TBC1D19: variants seen among roughly 807,000 people sequenced by gnomAD.
The protein encoded by TBC1D19 is TBC1 domain family member 19, also known as TBC1 domain family, member 19.
Under a neutral mutation model 89.0 loss-of-function variants are expected in TBC1D19, and 60 were observed. The ratio of observed to expected loss-of-function variants is 0.67; its 90% CI spans 0.55 to 0.84. TBC1D19 has a LOEUF of 0.84. Ranked by LOEUF, TBC1D19 falls within the 40% of genes least tolerant of loss-of-function variation. TBC1D19 has a pLI of 0.00. For missense variants in TBC1D19, 500 were observed against 610.8 expected (o/e 0.82, Z 1.91); for synonymous variants, 189 against 199.7 (o/e 0.95, Z 0.45).
intron 1 of TBC1D19, among the ~76,000 whole-genome samples, chr4:26,605,179 AT>A (rs1283494705): frequency 6.8e-6 from 1 of 147,154 alleles, no homozygotes; most frequent in Admixed American, 6.8e-5. Context: ...CATTAGGTAT[AT>A]CTCCTAATGC....
intron 13 of TBC1D19, among the ~76,000 whole-genome samples, chr4:26,690,647 A>G (rs1714193003): frequency 6.6e-6 from 1 of 152,242 alleles, no homozygotes; most frequent in Non-Finnish European, 1.5e-5. Flanking sequence ...ATGACAGCAC[A>G]TCTGTTAACA....
the TBC1D19 span, among the ~76,000 whole-genome samples, chr4:26,790,433 A>T: frequency 1.3e-5 from 2 of 152,218 alleles, no homozygotes; most frequent in Non-Finnish European, 2.9e-5. Context: ...AACCTGCCTC[A>T]TAGGTTGTTA....
At chr4:26,590,173 T>C (rs928731261) in intron 1 of TBC1D19, among the ~76,000 whole-genome samples, 1 of 152,260 alleles carries the variant, frequency 6.6e-6, no homozygotes, top group Non-Finnish European at 1.5e-5. Context: ...GAATCTCATT[T>C]GTCCTTGAAG....
Position 26,687,821 on chromosome 4 carries a change from A to G in TBC1D19, c.892-524A>G, listed in dbSNP as rs138179268. Among the ~76,000 whole-genome samples the G allele has an allele frequency of 1.4e-4, 21 of 152,270 alleles. No individual in the cohort carries two copies. In the East Asian group the frequency reaches 3.7e-3, roughly 27 times the overall value. On this transcript the variant is annotated intron_variant, in intron 12 of 20. Coordinates refer to ENST00000264866, the MANE Select transcript of TBC1D19 (RefSeq NM_018317.4). ...AATATATTTAAAGAAGGAAACTAAT[A>G]TGCTATCCAGGGGAAGTCAGTGAAC... is the stretch of plus-strand genomic sequence containing the variant.
chr4:26,753,954 T>C (rs1719122669), intron 20 of TBC1D19, 64 bp downstream of exon 20: 1 of 1,578,108 alleles, frequency 6.3e-7, no homozygotes, highest in East Asian at 2.2e-5. Flanking sequence ...GGCTGTCATT[T>C]TAGTGTCTGT....
the TBC1D19 span, among the ~76,000 whole-genome samples, chr4:26,826,625 A>G: frequency 1.9e-4 from 29 of 152,322 alleles, no homozygotes; most frequent in African/African-American, 7.0e-4. Context: ...GTCCGCGTGT[A>G]TTTTGTTAGA....
At chr4:26,585,742 C>T (rs749629642) in intron 1 of TBC1D19, among the ~76,000 whole-genome samples, 9 of 152,044 alleles carry the variant, frequency 5.9e-5, no homozygotes, top group Non-Finnish European at 1.0e-4. Flanking sequence ...CACCACCATG[C>T]CCAGCTAATT....
chr4:26,715,709 G>C (rs950007092), intron 13 of TBC1D19, among the ~76,000 whole-genome samples: 1 of 152,064 alleles, frequency 6.6e-6, no homozygotes, highest in Non-Finnish European at 1.5e-5. Flanking sequence ...TTCAGGAAAA[G>C]GGTGTGACCT....
chr4:26,797,690 ATTAG>A, the TBC1D19 span, among the ~76,000 whole-genome samples: 2 of 152,236 alleles, frequency 1.3e-5, no homozygotes, highest in African/African-American at 2.4e-5. Context: ...CTGCTACAAA[ATTAG>A]ACACATAGGT....
the TBC1D19 span, among the ~76,000 whole-genome samples, chr4:26,802,177 A>C: frequency 6.6e-6 from 1 of 152,084 alleles, no homozygotes; most frequent in African/African-American, 2.4e-5. Context: ...ACAAACAAAC[A>C]AAACAAAAAA....
intron 6 of TBC1D19, among the ~76,000 whole-genome samples, chr4:26,639,443 T>G (rs1459864198): frequency 6.6e-6 from 1 of 152,184 alleles, no homozygotes; most frequent in Non-Finnish European, 1.5e-5. Context: ...ATTCTTGTCT[T>G]TTAATTAAGG....
At chr4:26,714,706 A>T (rs1243921311) in intron 13 of TBC1D19, among the ~76,000 whole-genome samples, 1 of 152,118 alleles carries the variant, frequency 6.6e-6, no homozygotes, top group Non-Finnish European at 1.5e-5. Flanking sequence ...GTAACAGATT[A>T]TTAGAACTAT....
At chr4:26,653,532 A>G (rs1560448355) in intron 7 of TBC1D19, among the ~76,000 whole-genome samples, 1 of 152,076 alleles carries the variant, frequency 6.6e-6, no homozygotes, top group Non-Finnish European at 1.5e-5. Flanking sequence ...GTGTCTCAGG[A>G]CTTGCTTTAT....
chr4:26,817,981 A>AAAAATATATAT, the TBC1D19 span, among the ~76,000 whole-genome samples: 3 of 126,052 alleles, frequency 2.4e-5, no homozygotes, highest in Admixed American at 7.6e-5. Context: ...AAAAAAAAAA[A>AAAAATATATAT]ATATATATAT....
intron 16 of TBC1D19, among the ~76,000 whole-genome samples, chr4:26,738,399 G>T (rs2083359324): frequency 1.3e-5 from 2 of 151,514 alleles, no homozygotes; most frequent in South Asian, 2.1e-4. Flanking sequence ...AAATAAAGAA[G>T]TTCCAAACCT....
intron 15 of TBC1D19, 123 bp from the exon 16 acceptor site, chr4:26,735,332 A>T (rs540569072): frequency 2.8e-6 from 2 of 717,852 alleles, no homozygotes; most frequent in African/African-American, 3.8e-5. Context: ...TCTTTCTGAC[A>T]TTTATGAACA....
chr4:26,689,699 T>G (rs1172237329), intron 13 of TBC1D19, among the ~76,000 whole-genome samples: 2 of 152,192 alleles, frequency 1.3e-5, no homozygotes, highest in African/African-American at 4.8e-5. Context: ...TGCCACAAAC[T>G]GCACCCTTAA....
intron 1 of TBC1D19, among the ~76,000 whole-genome samples, chr4:26,602,437 T>G (rs945790970): frequency 8.4e-5 from 1 of 11,962 alleles, no homozygotes; most frequent in African/African-American, 1.2e-4. Context: ...ATTGTATTCT[T>G]TTTTTTTTTT....
intron 4 of TBC1D19, among the ~76,000 whole-genome samples, chr4:26,631,958 T>A (rs551294266): frequency 6.6e-6 from 1 of 152,254 alleles, no homozygotes; most frequent in African/African-American, 2.4e-5. Context: ...AAATTGAAAT[T>A]CTTGATACAA....
Sources: allele counts gnomAD v4.1 joint callset (sites outside exome capture counted in the v4.1 genomes callset), GRCh38; gene constraint gnomAD v4.1.1; transcripts MANE v1.5; gene names NCBI Gene and HGNC (gene_info 2026-07-23, HGNC 2026-07-21).